CTNNB1: variants seen among roughly 807,000 people sequenced by gnomAD.
CTNNB1 encodes the protein catenin beta-1.
Under a neutral mutation model 82.5 loss-of-function variants are expected in CTNNB1, and 6 were observed. That is an observed-to-expected ratio of 0.07 (90% confidence interval 0.04 to 0.14). The LOEUF (loss-of-function observed/expected upper bound fraction) is 0.14. Among genes scored for constraint, CTNNB1 ranks in the 10% least tolerant of loss-of-function variants. The probability of loss-of-function intolerance (pLI) is 1.00; values close to 1 mark genes in which losing one functional copy is unlikely to be tolerated. For synonymous variants in CTNNB1, 312 were observed against 329.7 expected (o/e 0.95, Z 0.58); for missense variants, 529 against 980.4 (o/e 0.54, Z 6.15).
intron 14 of CTNNB1, among the ~76,000 whole-genome samples, chr3:41,238,826 C>T (rs767159430): frequency 6.6e-6 from 1 of 152,154 alleles, no homozygotes; most frequent in African/African-American, 2.4e-5. Flanking sequence ...TCCTCGGGAA[C>T]CCCAAGTCTC....
chr3:41,214,051 A>G (rs1161000832), intron 1 of CTNNB1, among the ~76,000 whole-genome samples: 2 of 152,208 alleles, frequency 1.3e-5, no homozygotes. Flanking sequence ...GTCTTAACAA[A>G]TAGATGCTTC....
chr3:41,215,021 T>C (rs529436006), intron 1 of CTNNB1, among the ~76,000 whole-genome samples: 1 of 152,140 alleles, frequency 6.6e-6, no homozygotes, highest in East Asian at 1.9e-4. Flanking sequence ...CTGAACCTTA[T>C]TCTAGCTATA....
intron 13 of CTNNB1, chr3:41,237,019 A>G: frequency 1.8e-6 from 1 of 541,598 alleles, no homozygotes; most frequent in Non-Finnish European, 3.3e-6. Context: ...GCAGTGTTAA[A>G]CACTGTTAAG....
chr3:41,234,514 T>G, intron 10 of CTNNB1: 4 of 582,902 alleles, frequency 6.9e-6, no homozygotes, highest in Non-Finnish European at 1.2e-5. Flanking sequence ...GTCCTTCACA[T>G]GGTCAGTCTT....
At chr3:41,204,363 CTT>C (rs1402661453) in intron 1 of CTNNB1, among the ~76,000 whole-genome samples, 8 of 152,172 alleles carry the variant, frequency 5.3e-5, no homozygotes, top group South Asian at 2.1e-4. Context: ...TAATTTGTCT[CTT>C]GAAATGGGCT....
chr3:41,203,107 C>T (rs1465630128), intron 1 of CTNNB1, among the ~76,000 whole-genome samples: 5 of 150,348 alleles, frequency 3.3e-5, no homozygotes, highest in Non-Finnish European at 7.4e-5. Context: ...TCCAAGTTTC[C>T]CTCAAGCCTG....
At chr3:41,214,562 A>G (rs1268599953) in intron 1 of CTNNB1, among the ~76,000 whole-genome samples, 1 of 151,830 alleles carries the variant, frequency 6.6e-6, no homozygotes, top group African/African-American at 2.4e-5. Context: ...TACGGGGGGG[A>G]ACACTTTGTG....
chr3:41,203,970 G>A lies in CTNNB1; in HGVS notation c.-49+4300G>A, dbSNP rs116417348. 4.7e-3 allele frequency among the ~76,000 whole-genome samples: 717 copies of A among 152,232 alleles called. 11 individuals carry two copies. Among genetic ancestry groups the A allele is most frequent in the African/African-American group, 0.016 (670 of 41,544 alleles). ...ATGTTGCTGGAATGAAAACGTTAGC[G>A]TAGGGACGGAAAATGACACTTACCA... is the stretch of plus-strand genomic sequence containing the variant. On this transcript the variant is annotated intron_variant, in intron 1 of 14. Transcript: ENST00000349496.
At chr3:41,227,155 G>A (rs2125627237) in intron 6 of CTNNB1, 53 bp from the exon 7 acceptor site, 1 of 1,465,598 alleles carries the variant, frequency 6.8e-7, no homozygotes, top group Non-Finnish European at 9.5e-7. Flanking sequence ...GCTCTTCTCA[G>A]ACATGTGATC....
chr3:41,227,906 T>C (rs1267590595), intron 7 of CTNNB1, among the ~76,000 whole-genome samples: 2 of 152,164 alleles, frequency 1.3e-5, no homozygotes, highest in Non-Finnish European at 2.9e-5. Context: ...CCAGTGTCTG[T>C]TGTTCCCTTC....
At chr3:41,236,786 A>C (rs1285874435) in intron 13 of CTNNB1, 77 bp downstream of exon 13, 12 of 1,572,498 alleles carry the variant, frequency 7.6e-6, no homozygotes, top group Non-Finnish European at 1.0e-5. Flanking sequence ...CTCTCAAAAC[A>C]CTTAGTACAC....
At chr3:41,229,645 T>A (rs1031765985) in intron 7 of CTNNB1, among the ~76,000 whole-genome samples, 1 of 152,168 alleles carries the variant, frequency 6.6e-6, no homozygotes, top group Non-Finnish European at 1.5e-5. Context: ...TCATATTGTT[T>A]GCAAACAGAC....
At chr3:41,200,853 T>C (rs146205244) in intron 1 of CTNNB1, among the ~76,000 whole-genome samples, 219 of 152,336 alleles carry the variant, frequency 1.4e-3, no homozygotes, top group African/African-American at 5.0e-3. Context: ...TCTCCTACTT[T>C]GTATCTTCCA....
At chr3:41,224,126 C>T (rs549973660) in intron 2 of CTNNB1, 45 bp downstream of exon 2, 35 of 1,611,140 alleles carry the variant, frequency 2.2e-5, no homozygotes, top group Admixed American at 1.8e-4. Context: ...GGCTCTGCTT[C>T]GTTGCCATTA....
rs1437006903 is a variant in CTNNB1 at position 41,238,047 on chromosome 3, A to C, written c.2108A>C (p.Gln703Pro). 6.2e-7 allele frequency: 1 copy of C among 1,613,980 alleles called. No individual in the cohort carries two copies. The part of the protein sequence containing the change: ...TADLGLDIGA[Q>P]GEPLGYRQDD... The stretch of plus-strand genomic sequence containing the variant: ...GATCTTGGACTTGATATTGGTGCCC[A>C]GGGAGAACCCCTTGGATATCGCCAG... Residue 703 changes from glutamine (Q) to proline (P), a missense_variant, in exon 14 of 15, where the codon CAG becomes CCG. Around this residue, in one of 4 missense-constraint regions of CTNNB1, gnomAD observed 102 missense variants for 130.8 expected, o/e 0.78. Transcript: ENST00000349496.
intron 10 of CTNNB1, chr3:41,234,621 A>T: frequency 2.7e-6 from 1 of 364,734 alleles, no homozygotes. Flanking sequence ...TTGAGATCAA[A>T]TCTGTGTAAT....
chr3:41,239,569 TG>T lies in CTNNB1; in HGVS notation c.*228del, dbSNP rs150533740. 170 of 574,572 alleles carry T rather than the reference TG, an allele frequency of 3.0e-4. No homozygotes were observed. Among genetic ancestry groups the T allele is most frequent in the African/African-American group, 1.3e-3 (71 of 53,502 alleles). 35.6% of individuals were successfully genotyped at this position (574,572 alleles called of 1,614,324 possible). ...CATGTGTGGAAGTTATTAACTTTAA[TG>T]TTTTTTGCCACAGCTTTTGCAACTT... is the stretch of plus-strand genomic sequence containing the variant. On this transcript the variant is annotated 3_prime_UTR_variant, in exon 15 of 15. Coordinates refer to ENST00000349496, the MANE Select transcript of CTNNB1 (RefSeq NM_001904.4).
intron 11 of CTNNB1, 130 bp downstream of exon 11, chr3:41,235,973 A>G (rs1478140953): frequency 2.5e-6 from 3 of 1,210,650 alleles, no homozygotes; most frequent in Non-Finnish European, 3.6e-6. Flanking sequence ...AATTCCCTAC[A>G]TTTTTTGGTC....
At position 41,240,011 on chromosome 3, in the gene CTNNB1, T is replaced by G. The variant is rs1464220666; in HGVS notation, c.*669T>G. The G allele has an allele frequency of 5.6e-6, 1 of 177,274 alleles. No individual in the cohort carries two copies. Among genetic ancestry groups the G allele is most frequent in the Non-Finnish European group, 1.1e-5 (1 of 93,424 alleles). The allele number at this position is 177,274 out of a possible 1,614,324, so 11.0% of individuals were successfully genotyped here. On this transcript the variant is annotated 3_prime_UTR_variant, in exon 15 of 15. Transcript: ENST00000349496. ...CTTTTTTTTTTTTTTTTTTTTTTTTTGCAGTAACTGTTTTTTAAGTCTCTC... is the reference window on the plus strand; with the variant it reads ...CTTTTTTTTTTTTTTTTTTTTTTTTGGCAGTAACTGTTTTTTAAGTCTCTC...
Sources: gnomAD v4.1 joint callset for allele counts (sites outside exome capture counted in the v4.1 genomes callset) on GRCh38, gnomAD v4.1.1 for gene constraint, gnomAD v4.1.1 regional missense constraint, MANE v1.5 for transcripts, NCBI Gene and HGNC (gene_info 2026-07-23, HGNC 2026-07-21) for gene names.